SH3KBP1: variants seen among roughly 807,000 people sequenced by gnomAD.
SH3KBP1 encodes the protein SH3 domain-containing kinase-binding protein 1.
In SH3KBP1, 8 loss-of-function variants were observed where a neutral mutation model predicts 50.1. The observed-to-expected ratio is 0.16, with a 90% CI of 0.09 to 0.29. SH3KBP1 has a LOEUF of 0.29. Ranked by LOEUF, SH3KBP1 falls within the 10% of genes least tolerant of loss-of-function variation. The pLI is 1.00. For synonymous variants in SH3KBP1, 227 were observed against 218.6 expected (o/e 1.04, Z -0.34); for missense variants, 377 against 535.2 (o/e 0.70, Z 2.92).
At chrX:19,714,248 T>C (rs2063849266) in intron 3 of SH3KBP1, among the ~76,000 whole-genome samples, 1 of 111,477 alleles carries the variant, frequency 9.0e-6, no homozygotes, top group Admixed American at 9.5e-5. Flanking sequence ...ACAAAAAACA[T>C]AGTTAGAAAG....
intron 6 of SH3KBP1, among the ~76,000 whole-genome samples, chrX:19,657,732 A>G (rs2062325842): frequency 9.2e-6 from 1 of 108,969 alleles, no homozygotes; most frequent in African/African-American, 3.3e-5. Flanking sequence ...ATCTAAAATA[A>G]TAATAATAAT....
chrX:19,637,770 T>A (rs1357684665), intron 7 of SH3KBP1, among the ~76,000 whole-genome samples: 1 of 111,568 alleles, frequency 9.0e-6, no homozygotes, highest in Non-Finnish European at 1.9e-5. Flanking sequence ...ATTCTCATCA[T>A]CAGAGAAGCT....
At chrX:19,770,391 C>T (rs1348297458) in intron 2 of SH3KBP1, among the ~76,000 whole-genome samples, 1 of 112,303 alleles carries the variant, frequency 8.9e-6, no homozygotes, top group African/African-American at 3.2e-5. Flanking sequence ...TTTATGGCTG[C>T]ATAGTATTCC....
At chrX:19,669,791 T>C (rs2062737032) in intron 6 of SH3KBP1, among the ~76,000 whole-genome samples, 2 of 111,713 alleles carry the variant, frequency 1.8e-5, no homozygotes, top group Middle Eastern at 4.6e-3. Flanking sequence ...TCTGTCCTCC[T>C]TTCTAGGCAA....
At chrX:19,626,382 G>A (rs980933662) in intron 8 of SH3KBP1, among the ~76,000 whole-genome samples, 3 of 99,406 alleles carry the variant, frequency 3.0e-5, no homozygotes, top group Non-Finnish European at 6.0e-5. Context: ...ATTCTTCGAT[G>A]TATGAATGAA....
At chrX:19,538,268 G>A (rs1313065498) in intron 16 of SH3KBP1, among the ~76,000 whole-genome samples, 3 of 112,146 alleles carry the variant, frequency 2.7e-5, no homozygotes, top group Non-Finnish European at 5.6e-5. Flanking sequence ...GCAGTGGCAC[G>A]ATCATGGGTC....
At chrX:19,570,968 T>C (rs1324469717) in intron 12 of SH3KBP1, among the ~76,000 whole-genome samples, 1 of 110,509 alleles carries the variant, frequency 9.0e-6, no homozygotes, top group Non-Finnish European at 1.9e-5. Flanking sequence ...AAAAAGGGAG[T>C]GTTTGTGGGC....
intron 2 of SH3KBP1, among the ~76,000 whole-genome samples, chrX:19,829,398 G>T (rs1354483386): frequency 9.1e-6 from 1 of 110,451 alleles, no homozygotes; most frequent in Non-Finnish European, 1.9e-5. Context: ...TTGGGAAAAG[G>T]CTTGGTGGAA....
Position 19,753,031 on chromosome X carries a change from G to A in SH3KBP1, c.163-6590C>T, listed in dbSNP as rs750649972. Among the ~76,000 whole-genome samples, 4 of 111,907 alleles carry A rather than the reference G, an allele frequency of 3.6e-5. No individual in the cohort carries two copies. In the East Asian group the frequency reaches 8.4e-4, roughly 24 times the overall value. On this transcript the variant is annotated intron_variant, in intron 2 of 17. Transcript: ENST00000397821. ...CAGCTGTTTTCCCCCTATCTTGCCA[G>A]ATTTCTCTCTCTCCTGTCACCAACA...
intron 12 of SH3KBP1, among the ~76,000 whole-genome samples, chrX:19,580,048 G>A (rs2066321372): frequency 9.0e-6 from 1 of 111,121 alleles, no homozygotes; most frequent in Admixed American, 9.6e-5. Flanking sequence ...CATTTTGCAG[G>A]GGAGGGAACT....
At chrX:19,598,744 C>T (rs2066987398) in intron 9 of SH3KBP1, among the ~76,000 whole-genome samples, 1 of 111,405 alleles carries the variant, frequency 9.0e-6, no homozygotes, top group Admixed American at 9.6e-5. Flanking sequence ...ACACACACAA[C>T]ATCGATCAAT....
intron 12 of SH3KBP1, 142 bp from the exon 13 acceptor site, chrX:19,569,330 C>T (rs1045408128): frequency 3.0e-5 from 16 of 531,388 alleles, no homozygotes; most frequent in Middle Eastern, 9.4e-4. Context: ...AGAGAACCAA[C>T]GAGCTGTCTA....
At chrX:19,797,015 T>C (rs900097203) in intron 2 of SH3KBP1, among the ~76,000 whole-genome samples, 2 of 112,688 alleles carry the variant, frequency 1.8e-5, no homozygotes, top group African/African-American at 6.5e-5. Flanking sequence ...CAAATATCTG[T>C]TGAGCATTTA....
At chrX:19,738,627 T>C (rs2064667224) in intron 3 of SH3KBP1, among the ~76,000 whole-genome samples, 2 of 104,755 alleles carry the variant, frequency 1.9e-5, no homozygotes, top group African/African-American at 7.1e-5. Context: ...ATGAGCAAAC[T>C]TCAGTGGGCA....
intron 17 of SH3KBP1, 59 bp downstream of exon 17, chrX:19,537,658 A>G: frequency 2.1e-6 from 2 of 966,511 alleles, no homozygotes; most frequent in Non-Finnish European, 2.9e-6. Context: ...AAAAGCCCTC[A>G]CAATGTCCTG....
At chrX:19,755,518 A>G (rs1338509253) in intron 2 of SH3KBP1, among the ~76,000 whole-genome samples, 2 of 112,158 alleles carry the variant, frequency 1.8e-5, no homozygotes, top group Non-Finnish European at 3.8e-5. Flanking sequence ...ACAAAGTATC[A>G]GCAAAAGATC....
chrX:19,735,662 T>C (rs915732604), intron 3 of SH3KBP1, among the ~76,000 whole-genome samples: 1 of 102,016 alleles, frequency 9.8e-6, no homozygotes, highest in African/African-American at 3.6e-5. Flanking sequence ...TCCATTGTGA[T>C]TGGAGAATAT....
At chrX:19,721,805 A>C (rs2064066096) in intron 3 of SH3KBP1, among the ~76,000 whole-genome samples, 1 of 110,836 alleles carries the variant, frequency 9.0e-6, no homozygotes, top group African/African-American at 3.3e-5. Flanking sequence ...TCAAGGCCTG[A>C]GCAACGTGGC....
intron 12 of SH3KBP1, among the ~76,000 whole-genome samples, chrX:19,574,574 G>A (rs1369238359): frequency 1.8e-5 from 2 of 112,381 alleles, no homozygotes; most frequent in Non-Finnish European, 1.9e-5. Flanking sequence ...CTCACGTGGT[G>A]GAAGGGAGAG....
Sources: allele counts gnomAD v4.1 joint callset (sites outside exome capture counted in the v4.1 genomes callset), GRCh38; gene constraint gnomAD v4.1.1; transcripts MANE v1.5; gene names NCBI Gene and HGNC (gene_info 2026-07-23, HGNC 2026-07-21).